INTS4: variants seen among roughly 807,000 people sequenced by gnomAD.
INTS4 encodes MSTP093.
INTS4 carries 70 observed loss-of-function variants against 119.5 expected under a neutral mutation model. That is an observed-to-expected ratio of 0.59 (90% CI 0.48 to 0.71). The LOEUF (loss-of-function observed/expected upper bound fraction) is 0.71. INTS4 is among the 30% of genes least tolerant of loss of function. The probability of loss-of-function intolerance (pLI) is 0.00; values close to 1 mark genes in which losing one functional copy is unlikely to be tolerated. For missense variants in INTS4, 867 were observed against 1,173.2 expected, an observed-to-expected ratio of 0.74 and a Z score of 3.81; for synonymous variants, 316 against 419.6, an observed-to-expected ratio of 0.75 and a Z score of 3.02.
intron 8 of INTS4, among the ~76,000 whole-genome samples, chr11:77,955,171 T>A (rs1954287997): frequency 6.6e-6 from 1 of 151,980 alleles, no homozygotes; most frequent in Admixed American, 6.6e-5. Flanking sequence ...AGACCCCATG[T>A]CTACAAAAAA....
chr11:77,968,976 C>T (rs558096025), intron 4 of INTS4, among the ~76,000 whole-genome samples: 11 of 152,258 alleles, frequency 7.2e-5, no homozygotes, highest in African/African-American at 2.6e-4. Flanking sequence ...CAGAGTCTCA[C>T]TCTGTCGCCC....
At chr11:77,984,864 G>A (rs751225347) in intron 2 of INTS4, among the ~76,000 whole-genome samples, 3 of 135,010 alleles carry the variant, frequency 2.2e-5, no homozygotes, top group Non-Finnish European at 4.6e-5. Flanking sequence ...GTGAGACCTT[G>A]TTAGGAAAAA....
At chr11:77,982,906 A>G (rs945608711) in intron 2 of INTS4, among the ~76,000 whole-genome samples, 1 of 152,194 alleles carries the variant, frequency 6.6e-6, no homozygotes, top group Non-Finnish European at 1.5e-5. Context: ...AAAGCAGGAG[A>G]AGGGGCAATA....
chr11:77,981,482 G>T lies in INTS4; in HGVS notation c.341C>A (p.Ala114Asp). 2 of 1,536,358 alleles carry T rather than the reference G, an allele frequency of 1.3e-6. No individual in the cohort carries two copies. Among genetic ancestry groups the T allele is most frequent in the South Asian group, 1.3e-5 (1 of 78,932 alleles). ...GFSPDCIMDD[A>D]INILQNEKSH... Reference sequence around the variant, plus strand: ...ACTTTCATTCTGCAGGATGTTGATGGCATCATCCATAATGCAGTCTGGTGA... The same window carrying T: ...ACTTTCATTCTGCAGGATGTTGATGTCATCATCCATAATGCAGTCTGGTGA... Residue 114 changes from alanine to aspartate, a missense_variant, in exon 3 of 23, where the codon GCC (alanine) becomes GAC (aspartate). Ala to Asp is a moderately radical substitution (Grantham distance 126, BLOSUM62 -2). Transcript: ENST00000534064.
intron 4 of INTS4, among the ~76,000 whole-genome samples, chr11:77,971,226 T>C (rs1231370394): frequency 1.3e-5 from 2 of 152,242 alleles, no homozygotes; most frequent in Admixed American, 1.3e-4. Context: ...GTAACACCTA[T>C]TCAGATCTTT....
intron 4 of INTS4, among the ~76,000 whole-genome samples, chr11:77,965,600 G>A (rs548284478): frequency 6.2e-4 from 94 of 152,188 alleles, no homozygotes; most frequent in Non-Finnish European, 1.2e-3. Context: ...TTCTGTGCTC[G>A]GCTTATGTCA....
chr11:77,991,025 T>C (rs1377865454), intron 2 of INTS4, 83 bp downstream of exon 2: 1 of 1,177,010 alleles, frequency 8.5e-7, no homozygotes, highest in Non-Finnish European at 1.2e-6. Flanking sequence ...ATGAATACCC[T>C]ATTTATTTGT....
chr11:77,920,852 A>C (rs1276830897), intron 14 of INTS4, among the ~76,000 whole-genome samples: 1 of 151,456 alleles, frequency 6.6e-6, no homozygotes, highest in Non-Finnish European at 1.5e-5. Flanking sequence ...ACTCCGTCTC[A>C]AAAAGTAATA....
intron 22 of INTS4, among the ~76,000 whole-genome samples, chr11:77,883,524 G>C (rs1951873483): frequency 3.3e-5 from 5 of 152,318 alleles, no homozygotes; most frequent in Admixed American, 3.3e-4. Flanking sequence ...GTCGGTGGCA[G>C]TTAGGATAAG....
chr11:77,894,541 C>T (rs753102459), intron 18 of INTS4, among the ~76,000 whole-genome samples, 192 bp from the exon 19 acceptor site: 16 of 152,158 alleles, frequency 1.1e-4, no homozygotes, highest in Non-Finnish European at 1.8e-4. Flanking sequence ...CCTGATTAAA[C>T]CACTGCAGTG....
chr11:77,915,652 C>T (rs1037139810), intron 15 of INTS4, among the ~76,000 whole-genome samples: 2 of 152,180 alleles, frequency 1.3e-5, no homozygotes, highest in Non-Finnish European at 2.9e-5. Context: ...CCCAGCAAGT[C>T]ACCAAGTCCC....
At chr11:77,900,911 T>C (rs1383574055) in intron 18 of INTS4, 2 of 417,436 alleles carry the variant, frequency 4.8e-6, no homozygotes, top group Non-Finnish European at 8.5e-6. Context: ...ATGAGGTAGA[T>C]GCTGTCTTCA....
chr11:77,934,689 G>C (rs1429149906), intron 10 of INTS4, among the ~76,000 whole-genome samples: 4 of 152,092 alleles, frequency 2.6e-5, no homozygotes, highest in Admixed American at 6.5e-5. Flanking sequence ...AAACAAAATA[G>C]GTTTCAGTTA....
intron 11 of INTS4, among the ~76,000 whole-genome samples, chr11:77,925,216 G>C (rs1164062639): frequency 6.6e-6 from 1 of 152,106 alleles, no homozygotes. Context: ...GCTGGGAATG[G>C]CCAGTTAGCA....
intron 4 of INTS4, among the ~76,000 whole-genome samples, chr11:77,966,191 T>C (rs1282532197): frequency 6.6e-6 from 1 of 152,220 alleles, no homozygotes; most frequent in Non-Finnish European, 1.5e-5. Context: ...CTTATATATT[T>C]TGGATATTAG....
chr11:77,958,866 T>A, intron 6 of INTS4, 32 bp from the exon 7 acceptor site: 1 of 1,303,496 alleles, frequency 7.7e-7, no homozygotes, highest in African/African-American at 1.5e-5. Context: ...GTCTATTAGT[T>A]CTGTGTCCTC....
intron 15 of INTS4, among the ~76,000 whole-genome samples, chr11:77,909,749 G>A (rs1282487308): frequency 6.6e-6 from 1 of 152,184 alleles, no homozygotes; most frequent in Non-Finnish European, 1.5e-5. Flanking sequence ...AAATTAGAAA[G>A]TGTCATACAC....
intron 1 of INTS4, among the ~76,000 whole-genome samples, chr11:77,991,686 C>T (rs571755008): frequency 6.6e-6 from 1 of 152,128 alleles, no homozygotes; most frequent in South Asian, 2.1e-4. Context: ...CGGTGCCCAG[C>T]CTTACACTAA....
chr11:77,979,293 A>G (rs1056393247), intron 3 of INTS4, among the ~76,000 whole-genome samples, 191 bp from the exon 4 acceptor site: 1 of 152,058 alleles, frequency 6.6e-6, no homozygotes, highest in African/African-American at 2.4e-5. Flanking sequence ...CAACATAGGG[A>G]GACTCCGTTT....
Sources: gnomAD v4.1 joint callset for allele counts (sites outside exome capture counted in the v4.1 genomes callset) on GRCh38, gnomAD v4.1.1 for gene constraint, MANE v1.5 for transcripts, NCBI Gene and HGNC (gene_info 2026-07-23, HGNC 2026-07-21) for gene names.